Variants in SPATA13 observed in about 807,000 individuals in gnomAD.
The protein encoded by SPATA13 is spermatogenesis associated 13.
A neutral mutation model predicts 104.0 loss-of-function variants in SPATA13; 50 were observed. The observed-to-expected ratio is 0.48, with a 90% CI of 0.38 to 0.61. The LOEUF is 0.61. SPATA13 is among the 20% of genes least tolerant of loss of function. The probability of loss-of-function intolerance (pLI) is 0.00; values close to 1 mark genes in which losing one functional copy is unlikely to be tolerated. For synonymous variants in SPATA13, 606 were observed against 667.5 expected (o/e 0.91, Z 1.42); for missense variants, 1,524 against 1,690.6 (o/e 0.90, Z 1.73).
chr13:24,198,195 G>A (rs184641619), intron 1 of SPATA13, among the ~76,000 whole-genome samples: 7,104 of 152,118 alleles, frequency 0.047, 227 homozygotes, highest in Middle Eastern at 0.071. Flanking sequence ...GGGTTTCACT[G>A]TGTTGGCCAG....
chr13:24,060,313 T>C (rs1429453511), intron 3 of SPATA13, among the ~76,000 whole-genome samples: 2 of 152,216 alleles, frequency 1.3e-5, no homozygotes, highest in Non-Finnish European at 2.9e-5. Flanking sequence ...TTGACAAAGC[T>C]GACAGAAACA....
intron 3 of SPATA13, among the ~76,000 whole-genome samples, chr13:24,136,097 A>C (rs1237981511): frequency 4.6e-5 from 7 of 152,214 alleles, no homozygotes; most frequent in African/African-American, 1.7e-4. Context: ...GTGGGAGAGA[A>C]GTTTTCCTAA....
At position 24,223,649 on chromosome 13, in the gene SPATA13, G is replaced by A. The variant is rs1180702057; in HGVS notation, c.720G>A (p.Arg240=). The stretch of plus-strand genomic sequence containing the variant: ...CCGCCGTGTGTGAGATTCTCGTGAG[G>A]GACCCTGAAAACAACAGCATGGGCT... ...QVPAVCEILV[R]DPENNSMGYR... is the part of the protein sequence containing the mutation. The change falls in exon 2 of 13, where the codon AGG becomes AGA. Residue 240 remains arginine, a synonymous_variant. Transcript: ENST00000382108. 1.3e-6 allele frequency: 2 copies of A among 1,551,986 alleles called. No individual in the cohort carries two copies. The highest frequency in any genetic ancestry group is 2.7e-5 in the African/African-American group (2 of 73,058).
chr13:24,052,032 C>A (rs960568849), intron 3 of SPATA13, among the ~76,000 whole-genome samples: 1 of 152,114 alleles, frequency 6.6e-6, no homozygotes, highest in African/African-American at 2.4e-5. Context: ...GCCCTACCAG[C>A]TGGTGAGGAG....
chr13:24,256,378 G>T (rs1169521590), intron 4 of SPATA13, among the ~76,000 whole-genome samples: 4 of 152,100 alleles, frequency 2.6e-5, no homozygotes, highest in Non-Finnish European at 4.4e-5. Context: ...TTGGGGTGAT[G>T]ATATGCTAAT....
chr13:24,270,696 G>T lies in SPATA13; in HGVS notation c.2165-13439G>T, dbSNP rs1566182397. Reference sequence around the variant, plus strand: ...TGTGGAGCCAGCTGTCAGTTTCTGGGCAGGCTCTGGCCGGGAACGCATACA... The same window carrying T: ...TGTGGAGCCAGCTGTCAGTTTCTGGTCAGGCTCTGGCCGGGAACGCATACA... On this transcript the variant is annotated intron_variant, in intron 4 of 12. Coordinates refer to ENST00000382108, the MANE Select transcript of SPATA13 (RefSeq NM_001166271.3). 8.8e-6 allele frequency: 13 copies of T among 1,477,704 alleles called. 1 individual carries two copies. The East Asian group carries it at 2.7e-4, about 31-fold the overall frequency. 91.5% of individuals were successfully genotyped at this position (1,477,704 alleles called of 1,614,324 possible).
intron 1 of SPATA13, among the ~76,000 whole-genome samples, chr13:24,186,146 C>T (rs566607543): frequency 2.6e-5 from 4 of 152,246 alleles, no homozygotes; most frequent in East Asian, 3.9e-4. Context: ...GTCCTAGCCA[C>T]GCTGACACAT....
Position 24,224,347 on chromosome 13 carries a change from G to A in SPATA13, c.1418G>A (p.Ser473Asn), listed in dbSNP as rs200561905. 2,138 of 1,551,658 alleles carry A rather than the reference G, an allele frequency of 1.4e-3. 6 individuals are homozygous for A. Among genetic ancestry groups the A allele is most frequent in the Non-Finnish European group, 1.7e-3 (1,986 of 1,146,984 alleles). Reference sequence around the variant, plus strand: ...AGGCCCACCACACCCAAGCCCCAGAGCCCTCAGAGCCCCCAGAGCCCCGGG... The same window carrying A: ...AGGCCCACCACACCCAAGCCCCAGAACCCTCAGAGCCCCCAGAGCCCCGGG... Reference protein sequence around the residue: ...PLRPTTPKPQSPQSPQSPGAG... With the variant: ...PLRPTTPKPQNPQSPQSPGAG... Residue 473 changes from serine to asparagine, a missense_variant, in exon 2 of 13, where the codon AGC becomes AAC. By Grantham distance (46) the Ser-to-Asn change is conservative (BLOSUM62 1). Coordinates refer to ENST00000382108, the MANE Select transcript of SPATA13 (RefSeq NM_001166271.3).
chr13:24,187,571 C>T (rs993055086), intron 1 of SPATA13, among the ~76,000 whole-genome samples: 5 of 152,196 alleles, frequency 3.3e-5, no homozygotes, highest in African/African-American at 1.2e-4. Context: ...GTTACAATAG[C>T]ATGTGCGTAC....
chr13:24,063,593 T>C (rs578034006), intron 3 of SPATA13, among the ~76,000 whole-genome samples: 70 of 152,234 alleles, frequency 4.6e-4, no homozygotes, highest in African/African-American at 1.6e-3. Flanking sequence ...ATGTCCTTGC[T>C]GAACTGAACC....
chr13:24,094,611 T>G lies in SPATA13; in HGVS notation c.-112+76910T>G, dbSNP rs573471624. Among the ~76,000 whole-genome samples, 67 of 152,298 alleles carry G rather than the reference T, an allele frequency of 4.4e-4. 1 individual carries two copies. The highest frequency in any genetic ancestry group is 6.9e-4 in the Non-Finnish European group (47 of 68,026). ...TAAAATTTAAAAGCCTAATTGAAGT[T>G]AGCTGTGTGTGGTGGTGCACACCTG... On this transcript the variant is annotated intron_variant, in intron 3 of 14. Transcript: ENST00000424834.
intron 3 of SPATA13, chr13:24,123,648 T>G (rs1477155890): frequency 4.4e-6 from 7 of 1,600,716 alleles, no homozygotes; most frequent in Non-Finnish European, 6.0e-6. Context: ...AATGAAATCT[T>G]CAAACACATC....
At position 24,294,736 on chromosome 13, in the gene SPATA13, C is replaced by T; in HGVS notation, c.3081-3C>T. 6.3e-7 allele frequency: 1 copy of T among 1,579,880 alleles called. No individual in the cohort carries two copies. The highest frequency in any genetic ancestry group is 2.3e-5 in the East Asian group (1 of 44,082). ...TGATTAAAATTAACCTCCCATCTTG[C>T]AGTGATTACAGCAACATAAAGGCAG... On this transcript the variant is annotated splice_region_variant and splice_polypyrimidine_tract_variant and intron_variant, in intron 9 of 12. Transcript: ENST00000382108.
In SPATA13 at chr13:24,019,093, A is replaced by ATTTT. The variant is rs71915188; in HGVS notation, c.-112+1402_-112+1405dup. On this transcript the variant is annotated intron_variant, in intron 3 of 14. Coordinates refer to the SPATA13 transcript ENST00000424834. ...TATGATTCTTATTATTATTATTATT[A>ATTTT]TTTTTTTTTTTTTGAGACGGAGTCT... is the stretch of plus-strand genomic sequence containing the variant. Among the ~76,000 whole-genome samples the ATTTT allele has an allele frequency of 1.2e-3, 169 of 141,106 alleles. 1 individual carries two copies. The highest frequency in any genetic ancestry group is 3.7e-3 in the Middle Eastern group (1 of 270). 92.6% of individuals were successfully genotyped at this position (141,106 alleles called of 152,430 possible). A position where few individuals can be genotyped will look rare whatever the true frequency, so the allele number is the denominator to read the frequency against.
intron 2 of SPATA13, among the ~76,000 whole-genome samples, chr13:24,229,521 A>G (rs545232888): frequency 6.6e-6 from 1 of 152,350 alleles, no homozygotes; most frequent in African/African-American, 2.4e-5. Context: ...GCCCTTTGAC[A>G]CTGACTGCCC....
At chr13:24,004,652 T>A (rs965734697) in intron 2 of SPATA13, among the ~76,000 whole-genome samples, 19 of 152,300 alleles carry the variant, frequency 1.2e-4, no homozygotes, top group South Asian at 6.2e-4. Context: ...GTCAGCACAG[T>A]GCATCAATTA....
intron 3 of SPATA13, among the ~76,000 whole-genome samples, chr13:24,153,113 T>C (rs1196948733): frequency 2.0e-5 from 3 of 152,238 alleles, no homozygotes; most frequent in Non-Finnish European, 4.4e-5. Flanking sequence ...CTGTGGATGG[T>C]GTCTCTTTAC....
chr13:24,187,210 A>C (rs1869204289), intron 1 of SPATA13, among the ~76,000 whole-genome samples: 1 of 152,200 alleles, frequency 6.6e-6, no homozygotes, highest in South Asian at 2.1e-4. Flanking sequence ...CAAAGAAAGG[A>C]GAAAGAAATA....
chr13:24,097,837 C>T (rs966721344), intron 3 of SPATA13, among the ~76,000 whole-genome samples: 7 of 152,090 alleles, frequency 4.6e-5, no homozygotes, highest in Admixed American at 2.0e-4. Context: ...CAAACGCAGG[C>T]GAGGGCCCCA....
Sources: allele counts gnomAD v4.1 joint callset (sites outside exome capture counted in the v4.1 genomes callset), GRCh38; gene constraint gnomAD v4.1.1; transcripts MANE v1.5; gene names NCBI Gene and HGNC (gene_info 2026-07-23, HGNC 2026-07-21).